The following GAD1 variants were observed in gnomAD, a reference collection of about 807,000 sequenced individuals.
GAD1 encodes the protein 67 kDa glutamic acid decarboxylase.
GAD1 carries 35 observed loss-of-function variants against 75.2 expected under a neutral mutation model. That is an observed-to-expected ratio of 0.47 (90% confidence interval 0.36 to 0.62). GAD1 has a LOEUF of 0.62. GAD1 is among the 20% of genes least tolerant of loss of function. The probability of loss-of-function intolerance (pLI) is 0.00; values close to 1 mark genes in which losing one functional copy is unlikely to be tolerated. For missense variants in GAD1, 490 were observed against 758.5 expected (o/e 0.65, Z 4.16); for synonymous variants, 257 against 271.9 (o/e 0.95, Z 0.54).
intron 3 of GAD1, among the ~76,000 whole-genome samples, chr2:170,828,284 G>T (rs554683453): frequency 1.5e-4 from 17 of 112,448 alleles, no homozygotes; most frequent in African/African-American, 6.0e-4. Context: ...CCTTCCCTCT[G>T]CTGTCCTCAC....
chr2:170,824,054 G>T (rs920822918), intron 3 of GAD1, among the ~76,000 whole-genome samples: 3 of 152,066 alleles, frequency 2.0e-5, no homozygotes, highest in Admixed American at 6.5e-5. Flanking sequence ...GGAAGCCGGA[G>T]TTGGCCTCCA....
At chr2:170,842,985 C>T (rs1702550462) in intron 6 of GAD1, among the ~76,000 whole-genome samples, 1 of 152,214 alleles carries the variant, frequency 6.6e-6, no homozygotes, top group Non-Finnish European at 1.5e-5. Flanking sequence ...GATAAAGCTT[C>T]CCCATGTCAC....
chr2:170,830,920 G>A (rs1702203995), intron 4 of GAD1, 30 bp from the exon 5 acceptor site: 1 of 1,614,104 alleles, frequency 6.2e-7, no homozygotes, highest in Non-Finnish European at 8.5e-7. Flanking sequence ...TGAGTCAGGT[G>A]AAAACCATTC....
upstream of GAD1, among the ~76,000 whole-genome samples, chr2:170,815,477 G>A (rs1701678987): frequency 1.3e-5 from 2 of 152,088 alleles, no homozygotes; most frequent in South Asian, 4.2e-4. Flanking sequence ...CTCCCTTATG[G>A]AACTCTCGGT....
At chr2:170,823,413 A>C (rs987608808) in intron 3 of GAD1, among the ~76,000 whole-genome samples, 7 of 152,142 alleles carry the variant, frequency 4.6e-5, no homozygotes, top group Non-Finnish European at 1.0e-4. Context: ...CCCTCCCTGC[A>C]TTTCTGGGGC....
At position 170,818,706 on chromosome 2, in the gene GAD1, C is replaced by A; in HGVS notation, c.82+33C>A. On this transcript the variant is annotated intron_variant, in intron 2 of 16. Transcript: ENST00000358196. The surrounding 1 kb of genome is among the most constrained non-coding windows in gnomAD (Gnocchi z 5.9). ...CCGCCCCAATTTTCTATCAAATGAA[C>A]TGCAGGGAAGATGGGGGCGCTGGGA... is the stretch of plus-strand genomic sequence containing the variant. 6.2e-7 allele frequency: 1 copy of A among 1,602,562 alleles called. No homozygotes were observed. Among genetic ancestry groups the A allele is most frequent in the African/African-American group, 1.3e-5 (1 of 74,748 alleles).
chr2:170,842,965 C>G (rs1702550068), intron 6 of GAD1, among the ~76,000 whole-genome samples: 1 of 152,140 alleles, frequency 6.6e-6, no homozygotes, highest in Non-Finnish European at 1.5e-5. Context: ...GCTCAAACAC[C>G]CTAACCAGTG....
chr2:170,828,922 C>A (rs1179970053), intron 3 of GAD1: 3 of 213,490 alleles, frequency 1.4e-5, no homozygotes, highest in Non-Finnish European at 2.8e-5. Context: ...GCTGTCCTCA[C>A]CCCTCCTCAT....
intron 10 of GAD1, among the ~76,000 whole-genome samples, chr2:170,846,698 G>C (rs1171628701): frequency 6.6e-6 from 1 of 152,216 alleles, no homozygotes; most frequent in Non-Finnish European, 1.5e-5. Flanking sequence ...AGCAGAGGTG[G>C]AGCTGAGCTT....
intron 5 of GAD1, among the ~76,000 whole-genome samples, chr2:170,833,298 T>C (rs1702289053): frequency 6.6e-6 from 1 of 152,254 alleles, no homozygotes; most frequent in East Asian, 1.9e-4. Context: ...TGCTGAGGTC[T>C]GCCAACACCA....
intron 7 of GAD1, among the ~76,000 whole-genome samples, 181 bp downstream of exon 7, chr2:170,844,338 G>A (rs752666609): frequency 6.6e-6 from 1 of 151,556 alleles, no homozygotes; most frequent in Non-Finnish European, 1.5e-5. Context: ...CAAAGGCTAT[G>A]CTTAAATCTG....
intron 11 of GAD1, chr2:170,848,990 T>C (rs957377303): frequency 2.1e-5 from 10 of 470,246 alleles, no homozygotes; most frequent in African/African-American, 1.2e-4. Flanking sequence ...CCACAACACA[T>C]TGGGCTAATG....
chr2:170,821,174 G>A (rs2105755277), intron 2 of GAD1, among the ~76,000 whole-genome samples: 1 of 152,308 alleles, frequency 6.6e-6, no homozygotes, highest in Middle Eastern at 3.4e-3. Flanking sequence ...TTGAGAGATT[G>A]GAAGGGGATT....
intron 6 of GAD1, among the ~76,000 whole-genome samples, chr2:170,840,093 A>G (rs1054284440): frequency 3.3e-5 from 5 of 152,210 alleles, no homozygotes; most frequent in African/African-American, 1.2e-4. Flanking sequence ...AGATCTTAAA[A>G]CAAACCACTG....
At chr2:170,822,423 AGCG>A (rs1277742334) in intron 3 of GAD1, among the ~76,000 whole-genome samples, 1 of 152,206 alleles carries the variant, frequency 6.6e-6, no homozygotes, top group African/African-American at 2.4e-5. Flanking sequence ...TGGGCGCAGA[AGCG>A]GGAGGAAAGC....
intron 3 of GAD1, among the ~76,000 whole-genome samples, chr2:170,827,230 G>A (rs187044959): frequency 1.3e-5 from 2 of 152,256 alleles, no homozygotes; most frequent in East Asian, 3.9e-4. Context: ...GTAGTCCTGG[G>A]AAGCAAAGCT....
intron 6 of GAD1, 103 bp downstream of exon 6, chr2:170,836,986 GT>G (rs1173522067): frequency 1.2e-6 from 1 of 800,346 alleles, no homozygotes. Context: ...AGTTTCCCTG[GT>G]CATTTTTTCT....
intron 12 of GAD1, 99 bp from the exon 13 acceptor site, chr2:170,852,615 A>G (rs1702767344): frequency 2.1e-6 from 2 of 972,430 alleles, no homozygotes; most frequent in African/African-American, 1.6e-5. Context: ...GGCATGGATA[A>G]TATTTACTAA....
At chr2:170,841,318 T>C (rs777436188) in intron 6 of GAD1, among the ~76,000 whole-genome samples, 2 of 152,214 alleles carry the variant, frequency 1.3e-5, no homozygotes, top group African/African-American at 2.4e-5. Flanking sequence ...TATAGTTCTA[T>C]ACAAAATGAT....
Sources: allele counts gnomAD v4.1 joint callset (sites outside exome capture counted in the v4.1 genomes callset), GRCh38; gene constraint gnomAD v4.1.1; non-coding constraint Gnocchi (gnomAD v3.1); transcripts MANE v1.5; gene names NCBI Gene and HGNC (gene_info 2026-07-23, HGNC 2026-07-21).